Variants in TCF20 observed in about 807,000 individuals in gnomAD.
TCF20 encodes the protein transcription factor 20, also known as SPRE-binding protein.
A neutral mutation model predicts 148.6 loss-of-function variants in TCF20; 3 were observed. The ratio of observed to expected loss-of-function variants is 0.02; its 90% CI spans 0.01 to 0.05. The LOEUF is 0.05. Among genes scored for constraint, TCF20 ranks in the 10% least tolerant of loss-of-function variants. TCF20 has a pLI of 1.00. For synonymous variants in TCF20, 1,049 were observed against 909.5 expected (o/e 1.15, Z -2.76); for missense variants, 2,350 against 2,429.3 (o/e 0.97, Z 0.69).
Position 42,209,808 on chromosome 22 carries a change from T to G in TCF20, c.5498A>C (p.Glu1833Ala). Reference sequence around the variant, plus strand: ...TTGTAACTCCAGCTCAGGGCCACCTTCTGAAGTGGTGGGCACGGAGGGCTT... The same window carrying G: ...TTGTAACTCCAGCTCAGGGCCACCTGCTGAAGTGGTGGGCACGGAGGGCTT... ...DSKPSVPTTS[E>A]GGPELELQIP... The change falls in exon 2 of 6, where the codon GAA (glutamate) becomes GCA (alanine). Residue 1833 changes from glutamate to alanine, a missense_variant. Transcript: ENST00000677622. 1 of 1,614,200 alleles carries G rather than the reference T, an allele frequency of 6.2e-7. No individual in the cohort carries two copies. Among genetic ancestry groups the G allele is most frequent in the Non-Finnish European group, 8.5e-7 (1 of 1,180,036 alleles).
In TCF20 at chr22:42,214,315, A is replaced by G; in HGVS notation, c.991T>C (p.Tyr331His). ...GGCAGCTTGGTGGCAGCGTTAGTAT[A>G]CTGCATCACATGCTGAGAAGGGTGT... ...QQHPSQHVMQ[Y>H]TNAATKLPLQ... is the part of the protein sequence containing the mutation. The change falls in exon 2 of 6, where the codon TAT (tyrosine) becomes CAT (histidine). Residue 331 changes from tyrosine (Y) to histidine (H), a missense_variant. Tyr to His is a moderately conservative substitution (Grantham distance 83). This residue lies in a region of TCF20 where 1,641 missense variants were observed against 1,662.6 expected (regional missense o/e 0.99). Transcript: ENST00000677622. 6.2e-7 allele frequency: 1 copy of G among 1,614,216 alleles called. No individual in the cohort carries two copies. Among genetic ancestry groups the G allele is most frequent in the South Asian group, 1.1e-5 (1 of 91,084 alleles).
intron 2 of TCF20, among the ~76,000 whole-genome samples, chr22:42,180,191 GTAA>G (rs1417666322): frequency 6.6e-6 from 1 of 152,154 alleles, no homozygotes; most frequent in East Asian, 1.9e-4. Flanking sequence ...TCTTGTATTT[GTAA>G]GAAGATTTTA....
At chr22:42,182,838 G>GT (rs2147103511) in intron 2 of TCF20, among the ~76,000 whole-genome samples, 1 of 152,336 alleles carries the variant, frequency 6.6e-6, no homozygotes. Context: ...CCATGTTCAA[G>GT]TGATTCTCGT....
At chr22:42,215,479 T>G in intron 1 of TCF20, 138 bp from the exon 2 acceptor site, 1 of 1,200,132 alleles carries the variant, frequency 8.3e-7, no homozygotes, top group African/African-American at 1.5e-5. Flanking sequence ...TTTTTTTTTT[T>G]GGTTTTTTGA....
At chr22:42,219,760 G>A (rs151188476) in intron 1 of TCF20, among the ~76,000 whole-genome samples, 111 of 152,192 alleles carry the variant, frequency 7.3e-4, no homozygotes, top group African/African-American at 2.6e-3. Flanking sequence ...GGGGGCTGAG[G>A]CAGGAGGATC....
intron 1 of TCF20, among the ~76,000 whole-genome samples, chr22:42,328,283 A>C (rs956903169): frequency 1.3e-5 from 2 of 152,170 alleles, no homozygotes; most frequent in Non-Finnish European, 2.9e-5. Flanking sequence ...TCTCTGCAAC[A>C]TATTTTCAGC....
chr22:42,209,535 G>T, intron 2 of TCF20, 116 bp downstream of exon 2: 1 of 1,198,078 alleles, frequency 8.3e-7, no homozygotes, highest in Non-Finnish European at 1.2e-6. Flanking sequence ...CATCACATGG[G>T]CATAGGCACT....
chr22:42,268,809 G>A (rs1419153493), intron 1 of TCF20, among the ~76,000 whole-genome samples: 1 of 152,208 alleles, frequency 6.6e-6, no homozygotes, highest in Admixed American at 6.5e-5. Flanking sequence ...AGAACAGCAA[G>A]TGGGATTTCA....
At position 42,209,759 on chromosome 22, in the gene TCF20, G is replaced by A. The variant is rs769466752; in HGVS notation, c.5547C>T (p.Ser1849=). Residue 1849 remains serine, a synonymous_variant, in exon 2 of 6, where the codon AGC becomes AGT. Transcript: ENST00000677622. Reference sequence around the variant, plus strand: ...AACCCTCATGGACCCAAAATTCATTGCTGTCAAGAGGTAGTTCAGGGATTT... The same window carrying A: ...AACCCTCATGGACCCAAAATTCATTACTGTCAAGAGGTAGTTCAGGGATTT... ...ELQIPELPLD[S]NEFWVHEGCI... is the part of the protein sequence containing the mutation. The A allele has an allele frequency of 6.2e-7, 1 of 1,614,192 alleles. No homozygotes were observed. Among genetic ancestry groups the A allele is most frequent in the African/African-American group, 1.3e-5 (1 of 75,042 alleles).
In TCF20 at chr22:42,210,569, T is replaced by A; in HGVS notation, c.4737A>T (p.Lys1579Asn). ...GSADGEPKPKKQRQRRERRKP... is the reference protein window; with the variant it reads ...GSADGEPKPKNQRQRRERRKP... ...TCCTTCTCTCCCTCCTTTGCCTCTG[T>A]TTTTTTGGCTTTGGCTCTCCATCTG... Residue 1579 changes from lysine (K) to asparagine (N), a missense_variant, in exon 2 of 6, where the codon AAA becomes AAT. This residue lies in a region of TCF20 where 374 missense variants were observed against 398.3 expected (regional missense o/e 0.94). Transcript: ENST00000677622. The surrounding 1 kb of genome is among the most constrained non-coding windows in gnomAD (Gnocchi z 4.7). 6.2e-7 allele frequency: 1 copy of A among 1,614,090 alleles called. No individual in the cohort carries two copies. Among genetic ancestry groups the A allele is most frequent in the Non-Finnish European group, 8.5e-7 (1 of 1,180,034 alleles).
intron 2 of TCF20, among the ~76,000 whole-genome samples, chr22:42,190,908 TG>T (rs1390455300): frequency 6.6e-6 from 1 of 152,238 alleles, no homozygotes; most frequent in Non-Finnish European, 1.5e-5. Flanking sequence ...ACTGCAGATA[TG>T]GTAGGCAGAT....
chr22:42,254,533 A>G (rs1317766563), intron 1 of TCF20, among the ~76,000 whole-genome samples: 1 of 152,176 alleles, frequency 6.6e-6, no homozygotes, highest in Non-Finnish European at 1.5e-5. Context: ...TGGGTATGTT[A>G]AGGCCTGGGG....
chr22:42,249,649 AT>A (rs1289595502), intron 1 of TCF20, among the ~76,000 whole-genome samples: 5 of 152,226 alleles, frequency 3.3e-5, no homozygotes, highest in Middle Eastern at 3.2e-3. Context: ...AAATTTGTGG[AT>A]CACAACCACT....
chr22:42,253,573 TCAA>T (rs1306663195), intron 1 of TCF20, among the ~76,000 whole-genome samples: 4 of 152,136 alleles, frequency 2.6e-5, no homozygotes, highest in Non-Finnish European at 5.9e-5. Flanking sequence ...ACCAAAAGCA[TCAA>T]CAAAAGTTTT....
At chr22:42,224,270 G>A (rs1447130621) in intron 1 of TCF20, among the ~76,000 whole-genome samples, 1 of 152,008 alleles carries the variant, frequency 6.6e-6, no homozygotes, top group Non-Finnish European at 1.5e-5. Context: ...AGGAGATTGA[G>A]ACCATCCTGG....
At chr22:42,168,834 G>T in intron 4 of TCF20, 98 bp from the exon 5 acceptor site, 2 of 1,424,154 alleles carry the variant, frequency 1.4e-6, no homozygotes, top group Non-Finnish European at 1.8e-6. Context: ...CATGGAAAAG[G>T]AAAGAAAAGG....
intron 1 of TCF20, among the ~76,000 whole-genome samples, chr22:42,221,805 C>T (rs959116706): frequency 9.2e-5 from 12 of 129,778 alleles, no homozygotes; most frequent in African/African-American, 3.0e-4. Context: ...GTGGCGATAT[C>T]TCGGCTCACT....
chr22:42,261,609 C>CA (rs1311957227), intron 1 of TCF20, among the ~76,000 whole-genome samples: 1 of 152,172 alleles, frequency 6.6e-6, no homozygotes. Flanking sequence ...CTCCTTGCCC[C>CA]ATCCCCTTTG....
At chr22:42,183,089 G>A (rs371248559) in intron 2 of TCF20, among the ~76,000 whole-genome samples, 2 of 152,198 alleles carry the variant, frequency 1.3e-5, no homozygotes, top group Non-Finnish European at 2.9e-5. Flanking sequence ...AAGTCCTCCA[G>A]GCTATTCTGA....
Sources: gnomAD v4.1 joint callset for allele counts (sites outside exome capture counted in the v4.1 genomes callset) on GRCh38, gnomAD v4.1.1 for gene constraint, gnomAD v4.1.1 regional missense constraint, Gnocchi (gnomAD v3.1) non-coding constraint, MANE v1.5 for transcripts, NCBI Gene and HGNC (gene_info 2026-07-23, HGNC 2026-07-21) for gene names.